Variants in RASGRP1 observed in about 807,000 individuals in gnomAD.
RASGRP1 encodes the protein RAS guanyl-releasing protein 1.
RASGRP1 carries 37 observed loss-of-function variants against 95.1 expected under a neutral mutation model. That is an observed-to-expected ratio of 0.39 (90% CI 0.30 to 0.51). The LOEUF (loss-of-function observed/expected upper bound fraction) is 0.51, where lower values mean the gene tolerates loss of function less well. Ranked by LOEUF, RASGRP1 falls within the 20% of genes least tolerant of loss-of-function variation. The pLI, the probability that RASGRP1 is intolerant of heterozygous loss-of-function variation, is 0.80. For synonymous variants in RASGRP1, 325 were observed against 353.4 expected, an observed-to-expected ratio of 0.92 and a Z score of 0.90; for missense variants, 711 against 965.4, an observed-to-expected ratio of 0.74 and a Z score of 3.49.
chr15:38,558,875 T>C (rs796985104), intron 2 of RASGRP1, among the ~76,000 whole-genome samples: 2 of 152,190 alleles, frequency 1.3e-5, no homozygotes, highest in African/African-American at 4.8e-5. Flanking sequence ...TCATGGATCA[T>C]GAGCTGCCTA....
chr15:38,496,504 C>T (rs1420177495), intron 15 of RASGRP1, among the ~76,000 whole-genome samples: 1 of 152,158 alleles, frequency 6.6e-6, no homozygotes, highest in Non-Finnish European at 1.5e-5. Context: ...TTTTATGTGA[C>T]AGAATTGTGG....
chr15:38,491,851 G>C (rs1166722160), intron 16 of RASGRP1, among the ~76,000 whole-genome samples: 1 of 152,190 alleles, frequency 6.6e-6, no homozygotes, highest in African/African-American at 2.4e-5. Context: ...TGATGTTGCT[G>C]AGTAGGAATT....
At chr15:38,504,918 A>G (rs1891193067) in intron 10 of RASGRP1, 1 of 152,214 alleles carries the variant, frequency 6.6e-6, no homozygotes, top group South Asian at 2.1e-4. Context: ...ACTGACCAAA[A>G]TGTCATTATG....
chr15:38,524,997 T>TCA (rs1892159707), intron 3 of RASGRP1, among the ~76,000 whole-genome samples: 1 of 149,762 alleles, frequency 6.7e-6, no homozygotes, highest in African/African-American at 2.5e-5. Context: ...AGACAGAGTC[T>TCA]CACTTCATTG....
intron 2 of RASGRP1, among the ~76,000 whole-genome samples, chr15:38,546,279 G>T (rs185809982): frequency 6.6e-6 from 1 of 152,026 alleles, no homozygotes; most frequent in East Asian, 1.9e-4. Flanking sequence ...GTGCGGTGGC[G>T]CAATCTTGGC....
intron 2 of RASGRP1, among the ~76,000 whole-genome samples, chr15:38,531,875 T>G (rs1002390689): frequency 3.3e-5 from 5 of 152,190 alleles, no homozygotes; most frequent in African/African-American, 1.2e-4. Flanking sequence ...CTCCCACACA[T>G]AAGCTCCAGC....
intron 2 of RASGRP1, among the ~76,000 whole-genome samples, chr15:38,551,843 G>A (rs190212972): frequency 3.9e-5 from 6 of 152,210 alleles, no homozygotes; most frequent in Non-Finnish European, 8.8e-5. Context: ...TGAACAGACC[G>A]TTCATAAAAC....
intron 10 of RASGRP1, among the ~76,000 whole-genome samples, chr15:38,505,579 T>C (rs1216689526): frequency 1.3e-5 from 2 of 152,070 alleles, no homozygotes; most frequent in Non-Finnish European, 2.9e-5. Context: ...TCTGATGATA[T>C]AGTTATTTAC....
chr15:38,557,638 T>C (rs891253088), intron 2 of RASGRP1, among the ~76,000 whole-genome samples: 10 of 152,032 alleles, frequency 6.6e-5, no homozygotes, highest in Admixed American at 4.6e-4. Flanking sequence ...TGTATATATA[T>C]ATATATATTT....
intron 15 of RASGRP1, among the ~76,000 whole-genome samples, chr15:38,496,963 T>C (rs1437361437): frequency 6.6e-6 from 1 of 152,232 alleles, no homozygotes; most frequent in African/African-American, 2.4e-5. Context: ...CTTACCACTT[T>C]AGGGAGCTTA....
chr15:38,530,575 A>C (rs1254259143), intron 2 of RASGRP1, among the ~76,000 whole-genome samples: 1 of 152,198 alleles, frequency 6.6e-6, no homozygotes. Flanking sequence ...ACTACAGTGA[A>C]AAGAAGGAAC....
At position 38,490,454 on chromosome 15, in the gene RASGRP1, T is replaced by G. The variant is rs1034330131; in HGVS notation, c.*100A>C. 37 of 1,263,694 alleles carry G rather than the reference T, an allele frequency of 2.9e-5. No individual in the cohort carries two copies. The highest frequency in any genetic ancestry group is 3.8e-5 in the Non-Finnish European group (36 of 944,568). The allele number at this position is 1,263,694 out of a possible 1,614,324, so 78.3% of individuals were successfully genotyped here. A position where few individuals can be genotyped will look rare whatever the true frequency, so the allele number is the denominator to read the frequency against. On this transcript the variant is annotated 3_prime_UTR_variant, in exon 17 of 17. Transcript: ENST00000310803. ...CAGGCTTTTCCTTTTAAAGTACTGT[T>G]TTAAAGCTGGTCAGTGTAAAGTTCC...
chr15:38,493,270 C>T (rs1171657131), intron 16 of RASGRP1, among the ~76,000 whole-genome samples: 4 of 150,552 alleles, frequency 2.7e-5, no homozygotes, highest in East Asian at 2.0e-4. Context: ...CTCCACCTCC[C>T]GGGTTCAAGT....
chr15:38,564,766 C>G lies in RASGRP1; in HGVS notation c.-138G>C. The G allele has an allele frequency of 2.9e-6, 2 of 683,294 alleles. No homozygotes were observed. Among genetic ancestry groups the G allele is most frequent in the Non-Finnish European group, 3.8e-6 (2 of 522,910 alleles). 42.3% of individuals were successfully genotyped at this position (683,294 alleles called of 1,614,324 possible). A position where few individuals can be genotyped will look rare whatever the true frequency, so the allele number is the denominator to read the frequency against. ...CCCGGCGCCCGCCAGCCCTCGAGCC[C>G]GGCGAGCCCGACCGAGGTGCACCGC... On this transcript the variant is annotated 5_prime_UTR_variant, in exon 1 of 17. Coordinates refer to ENST00000310803, the MANE Select transcript of RASGRP1 (RefSeq NM_005739.4).
In RASGRP1 at chr15:38,489,800, AT is replaced by A. The variant is rs1391767548; in HGVS notation, c.*753del. 7 of 151,844 alleles carry A rather than the reference AT, an allele frequency of 4.6e-5. No individual in the cohort carries two copies. The highest frequency in any genetic ancestry group is 4.6e-4 in the Admixed American group (7 of 15,236). The allele number at this position is 151,844 out of a possible 1,614,324, so 9.4% of individuals were successfully genotyped here. ...ATATAAGGACAAACATGTTTGCGTT[AT>A]GTTTATTTTAATTAGACAGTAATAT... is the stretch of plus-strand genomic sequence containing the variant. On this transcript the variant is annotated 3_prime_UTR_variant, in exon 17 of 17. Coordinates refer to ENST00000310803, the MANE Select transcript of RASGRP1 (RefSeq NM_005739.4).
intron 12 of RASGRP1, 26 bp from the exon 13 acceptor site, chr15:38,501,313 A>T: frequency 6.8e-6 from 11 of 1,612,972 alleles, no homozygotes; most frequent in Non-Finnish European, 8.5e-6. Flanking sequence ...CAAGGCAAGG[A>T]TGTGAGTATA....
At chr15:38,499,069 G>C in intron 14 of RASGRP1, 123 bp from the exon 15 acceptor site, 1 of 1,306,452 alleles carries the variant, frequency 7.7e-7, no homozygotes, top group Non-Finnish European at 1.1e-6. Context: ...CTGGAGCTAA[G>C]ACACTTAACA....
chr15:38,540,311 T>C (rs1892815299), intron 2 of RASGRP1, among the ~76,000 whole-genome samples: 1 of 152,188 alleles, frequency 6.6e-6, no homozygotes, highest in African/African-American at 2.4e-5. Context: ...CAGTCTCTAG[T>C]TCTCTGCTGT....
intron 3 of RASGRP1, among the ~76,000 whole-genome samples, chr15:38,521,688 C>T (rs886764126): frequency 2.0e-4 from 30 of 152,186 alleles, no homozygotes; most frequent in African/African-American, 6.8e-4. Flanking sequence ...AGACCCCATA[C>T]CTTTTTCTTT....
Sources: allele counts gnomAD v4.1 joint callset (sites outside exome capture counted in the v4.1 genomes callset), GRCh38; gene constraint gnomAD v4.1.1; transcripts MANE v1.5; gene names NCBI Gene and HGNC (gene_info 2026-07-23, HGNC 2026-07-21).